Variants in IQCJ observed in about 807,000 individuals in gnomAD.
IQCJ encodes IQ motif containing J.
A neutral mutation model predicts 11.0 loss-of-function variants in IQCJ; 9 were observed. The ratio of observed to expected loss-of-function variants is 0.82; its 90% CI spans 0.49 to 1.43. The LOEUF (loss-of-function observed/expected upper bound fraction) is 1.43. IQCJ is among the 40% of genes most tolerant of loss of function. IQCJ has a pLI of 0.00. For synonymous variants in IQCJ, 55 were observed against 51.3 expected, an observed-to-expected ratio of 1.07 and a Z score of -0.31; for missense variants, 146 against 133.2, an observed-to-expected ratio of 1.10 and a Z score of -0.47.
chr3:159,150,155 A>G (rs532414788), intron 1 of IQCJ, among the ~76,000 whole-genome samples: 9 of 152,224 alleles, frequency 5.9e-5, no homozygotes, highest in Non-Finnish European at 8.8e-5. Flanking sequence ...ACCAACCCAG[A>G]ACAGGGATTT....
chr3:159,216,132 C>T (rs1054977034), intron 1 of IQCJ, among the ~76,000 whole-genome samples: 11 of 151,440 alleles, frequency 7.3e-5, no homozygotes, highest in Non-Finnish European at 1.6e-4. Context: ...AATTGAGGCT[C>T]TTATGCTCCC....
At chr3:159,255,298 C>T (rs1019176063) in intron 3 of IQCJ, among the ~76,000 whole-genome samples, 1 of 152,088 alleles carries the variant, frequency 6.6e-6, no homozygotes, top group Non-Finnish European at 1.5e-5. Flanking sequence ...GTAAACAGTT[C>T]CCATACAGGG....
At position 159,075,313 on chromosome 3, in the gene IQCJ, A is replaced by G. The variant is rs745562908; in HGVS notation, c.9+5872A>G. On this transcript the variant is annotated intron_variant, in intron 1 of 3. Coordinates refer to ENST00000397832, the MANE Select transcript of IQCJ (RefSeq NM_001042706.3). ...AGTGCAGGAAAACCCTTGTAGGAAT[A>G]TTACATTAGTATCCATGGTGTACAA... Among the ~76,000 whole-genome samples the G allele has an allele frequency of 1.1e-4, 17 of 152,266 alleles. No individual in the cohort carries two copies. In the South Asian group the frequency reaches 1.2e-3, roughly 11 times the overall value.
intron 1 of IQCJ, among the ~76,000 whole-genome samples, chr3:159,084,186 A>G (rs1032718164): frequency 6.6e-6 from 1 of 152,070 alleles, no homozygotes; most frequent in Non-Finnish European, 1.5e-5. Context: ...AGAGTATACA[A>G]GATTTTTCTC....
At chr3:159,163,899 A>G (rs1211127402) in intron 1 of IQCJ, among the ~76,000 whole-genome samples, 1 of 152,132 alleles carries the variant, frequency 6.6e-6, no homozygotes, top group African/African-American at 2.4e-5. Context: ...CATTCTCTGC[A>G]TATGTGTACC....
intron 1 of IQCJ, among the ~76,000 whole-genome samples, chr3:159,089,369 A>G (rs1717060351): frequency 1.3e-5 from 2 of 151,862 alleles, no homozygotes; most frequent in Admixed American, 6.6e-5. Context: ...CCTTCATTTC[A>G]ACTTTGGTGA....
intron 1 of IQCJ, among the ~76,000 whole-genome samples, chr3:159,082,042 T>C (rs1716349579): frequency 6.6e-6 from 1 of 152,122 alleles, no homozygotes; most frequent in African/African-American, 2.4e-5. Context: ...AGTTATTTTT[T>C]TCATTGTATT....
At chr3:159,089,015 C>T (rs376083712) in intron 1 of IQCJ, among the ~76,000 whole-genome samples, 16 of 152,034 alleles carry the variant, frequency 1.1e-4, no homozygotes, top group East Asian at 1.9e-4. Context: ...TTCCTAGTCT[C>T]GATGGTCTTC....
intron 1 of IQCJ, among the ~76,000 whole-genome samples, chr3:159,078,552 CTT>C (rs373598878): frequency 7.0e-5 from 10 of 143,728 alleles, no homozygotes; most frequent in Admixed American, 7.0e-5. Context: ...CGCCCCCCGC[CTT>C]TTTTTTTTTG....
chr3:159,114,600 C>G (rs58503032), intron 1 of IQCJ, among the ~76,000 whole-genome samples: 45,843 of 152,024 alleles, frequency 0.3, 7,502 homozygotes, highest in Non-Finnish European at 0.38. Flanking sequence ...ATGTGAGCCA[C>G]TGCACCCAGC....
chr3:159,091,667 CACGCAT>C (rs71934027), intron 1 of IQCJ, among the ~76,000 whole-genome samples: 445 of 36,144 alleles, frequency 0.012, 14 homozygotes, highest in African/African-American at 0.035. Context: ...CACACACACA[CACGCAT>C]GCACACACAC....
At chr3:159,122,868 C>A (rs1283067834) in intron 1 of IQCJ, among the ~76,000 whole-genome samples, 1 of 152,128 alleles carries the variant, frequency 6.6e-6, no homozygotes, top group Admixed American at 6.5e-5. Flanking sequence ...CATCTTTCTG[C>A]ATTTTAACTA....
intron 1 of IQCJ, among the ~76,000 whole-genome samples, chr3:159,192,193 C>T (rs1723728690): frequency 6.6e-6 from 1 of 152,156 alleles, no homozygotes; most frequent in African/African-American, 2.4e-5. Flanking sequence ...CTTCTTTAGG[C>T]ATACTCTCCC....
chr3:159,200,739 G>A (rs1577076621), intron 1 of IQCJ, among the ~76,000 whole-genome samples: 1 of 152,196 alleles, frequency 6.6e-6, no homozygotes, highest in Non-Finnish European at 1.5e-5. Context: ...GGACAGAGAG[G>A]AAAAGGATAT....
At chr3:159,182,472 ACTC>A (rs1252369161) in intron 1 of IQCJ, among the ~76,000 whole-genome samples, 5 of 151,790 alleles carry the variant, frequency 3.3e-5, no homozygotes, top group African/African-American at 1.2e-4. Flanking sequence ...CGCAGACAAA[ACTC>A]CTCAGACACC....
At chr3:159,163,441 T>C (rs575635351) in intron 1 of IQCJ, among the ~76,000 whole-genome samples, 5 of 152,262 alleles carry the variant, frequency 3.3e-5, no homozygotes, top group East Asian at 3.9e-4. Context: ...ATAAGAGCTA[T>C]CTATGACAAA....
intron 1 of IQCJ, among the ~76,000 whole-genome samples, chr3:159,079,497 TTTTC>T (rs1313870411): frequency 1.3e-5 from 2 of 152,136 alleles, no homozygotes; most frequent in Non-Finnish European, 2.9e-5. Context: ...TAAAAATTAT[TTTTC>T]TTTATTACAC....
intron 1 of IQCJ, among the ~76,000 whole-genome samples, chr3:159,073,665 C>A (rs1238550109): frequency 1.3e-5 from 2 of 152,096 alleles, no homozygotes; most frequent in East Asian, 3.9e-4. Flanking sequence ...TTGCTCCCAT[C>A]CAATTCAGTC....
At chr3:159,084,871 G>A (rs1055529763) in intron 1 of IQCJ, among the ~76,000 whole-genome samples, 1 of 151,638 alleles carries the variant, frequency 6.6e-6, no homozygotes, top group Non-Finnish European at 1.5e-5. Context: ...GGGTCTTGGA[G>A]GCACATCCTA....
Sources: allele counts gnomAD v4.1 joint callset (sites outside exome capture counted in the v4.1 genomes callset), GRCh38; gene constraint gnomAD v4.1.1; transcripts MANE v1.5; gene names NCBI Gene and HGNC (gene_info 2026-07-23, HGNC 2026-07-21).